The following SEPTIN2 variants were observed in gnomAD, a reference collection of about 807,000 sequenced individuals.
SEPTIN2 encodes septin-2.
Under a neutral mutation model 46.5 loss-of-function variants are expected in SEPTIN2, and 34 were observed. The observed-to-expected ratio is 0.73, with a 90% CI of 0.56 to 0.97. The LOEUF (loss-of-function observed/expected upper bound fraction) is 0.97, where lower values mean the gene tolerates loss of function less well. SEPTIN2 is among the 50% of genes least tolerant of loss of function. SEPTIN2 has a pLI of 0.00. For missense variants in SEPTIN2, 347 were observed against 448.4 expected (o/e 0.77, Z 2.04); for synonymous variants, 175 against 153.4 (o/e 1.14, Z -1.04).
intron 2 of SEPTIN2, chr2:241,325,317 C>T (rs2077776144): frequency 6.6e-6 from 1 of 152,064 alleles, no homozygotes; most frequent in African/African-American, 2.4e-5. Flanking sequence ...ATATCTCTGT[C>T]CTCTCTCTCA....
At chr2:241,330,975 G>GC (rs1377678881) in intron 3 of SEPTIN2, among the ~76,000 whole-genome samples, 2 of 152,114 alleles carry the variant, frequency 1.3e-5, no homozygotes, top group Non-Finnish European at 2.9e-5. Context: ...TTTAAGACCA[G>GC]CCCCCCCAAC....
At chr2:241,330,539 A>C (rs2078827352) in intron 3 of SEPTIN2, among the ~76,000 whole-genome samples, 1 of 152,176 alleles carries the variant, frequency 6.6e-6, no homozygotes, top group Non-Finnish European at 1.5e-5. Context: ...AAGATAGCTG[A>C]TAGATATTTA....
In SEPTIN2 at chr2:241,348,070, T is replaced by C. The variant is rs1484777120; in HGVS notation, c.927-64T>C. The C allele has an allele frequency of 5.4e-6, 7 of 1,292,940 alleles. No homozygotes were observed. In the Admixed American group the frequency reaches 1.4e-4, roughly 26 times the overall value. 80.1% of individuals were successfully genotyped at this position (1,292,940 alleles called of 1,614,324 possible). A position where few individuals can be genotyped will look rare whatever the true frequency, so the allele number is the denominator to read the frequency against. The stretch of plus-strand genomic sequence containing the variant: ...CATTTTAAATTTTAAAGTAGAATTT[T>C]TTGGGGGGGTAGCAAATAACTATTT... On this transcript the variant is annotated intron_variant, in intron 10 of 12. Coordinates refer to ENST00000391971, the MANE Select transcript of SEPTIN2 (RefSeq NM_004404.5).
chr2:241,327,353 G>T (rs1182070515), intron 3 of SEPTIN2, among the ~76,000 whole-genome samples: 2 of 151,620 alleles, frequency 1.3e-5, no homozygotes, highest in Non-Finnish European at 2.9e-5. Context: ...TGATAAGCCT[G>T]ACAGCACATT....
At chr2:241,342,534 ATTTTT>A (rs548033372) in intron 7 of SEPTIN2, among the ~76,000 whole-genome samples, 16 of 87,008 alleles carry the variant, frequency 1.8e-4, no homozygotes, top group African/African-American at 3.9e-4. Flanking sequence ...AGTTTTGTAA[ATTTTT>A]TTTTTTTTTT....
intron 3 of SEPTIN2, among the ~76,000 whole-genome samples, chr2:241,331,240 T>G (rs2078959120): frequency 6.6e-6 from 1 of 152,198 alleles, no homozygotes; most frequent in African/African-American, 2.4e-5. Context: ...CAGTACCACT[T>G]AACAGTCACA....
chr2:241,322,969 G>T (rs1235897582), intron 1 of SEPTIN2, among the ~76,000 whole-genome samples: 1 of 151,812 alleles, frequency 6.6e-6, no homozygotes, highest in African/African-American at 2.4e-5. Context: ...GAATATTATT[G>T]AAAATATGGA....
chr2:241,343,435 G>A (rs938131259), intron 8 of SEPTIN2, among the ~76,000 whole-genome samples: 6 of 151,960 alleles, frequency 3.9e-5, no homozygotes, highest in African/African-American at 1.4e-4. Flanking sequence ...GGAGGCAGAG[G>A]TTGCAGTGAG....
At chr2:241,344,973 G>A (rs2081807434) in intron 9 of SEPTIN2, among the ~76,000 whole-genome samples, 1 of 151,820 alleles carries the variant, frequency 6.6e-6, no homozygotes, top group Non-Finnish European at 1.5e-5. Context: ...AATTAGCCGA[G>A]TGTGGTGGTG....
At chr2:241,332,862 C>A (rs2079225872) in intron 3 of SEPTIN2, among the ~76,000 whole-genome samples, 1 of 152,200 alleles carries the variant, frequency 6.6e-6, no homozygotes, top group Non-Finnish European at 1.5e-5. Context: ...AGCAGCCAGA[C>A]ACAAAACAGG....
At chr2:241,342,447 A>T (rs1382713568) in intron 7 of SEPTIN2, among the ~76,000 whole-genome samples, 1 of 149,220 alleles carries the variant, frequency 6.7e-6, no homozygotes, top group Admixed American at 6.7e-5. Context: ...CATTGAGGGT[A>T]GTGGTGCATT....
chr2:241,338,718 A>ATTAT (rs1158056827), intron 7 of SEPTIN2, among the ~76,000 whole-genome samples: 2 of 70,672 alleles, frequency 2.8e-5, no homozygotes, highest in Non-Finnish European at 5.8e-5. Flanking sequence ...TTATTTATAT[A>ATTAT]ATATATTATA....
At chr2:241,324,533 A>G (rs1463660030) in intron 2 of SEPTIN2, 9 of 437,614 alleles carry the variant, frequency 2.1e-5, no homozygotes, top group Middle Eastern at 6.9e-4. Context: ...GACTGCAGAC[A>G]CGTGCCACCA....
At chr2:241,326,322 A>G (rs1227184316) in intron 3 of SEPTIN2, among the ~76,000 whole-genome samples, 1 of 152,216 alleles carries the variant, frequency 6.6e-6, no homozygotes, top group Admixed American at 6.5e-5. Flanking sequence ...ATATGTAGTG[A>G]AAGTTTACTC....
In SEPTIN2 at chr2:241,335,356, G is replaced by A. The variant is rs10195565; in HGVS notation, c.217+144G>A. 5,233 of 1,552,580 alleles carry A rather than the reference G, an allele frequency of 3.4e-3. 153 individuals are homozygous for A. The African/African-American group carries it at 0.064, about 19-fold the overall frequency. ...CAAGGAAAACACTTTTATGGGGTAG[G>A]TGTGCTGCACCGAGGTCCTTGGATT... On this transcript the variant is annotated intron_variant, in intron 4 of 12. Coordinates refer to ENST00000391971, the MANE Select transcript of SEPTIN2 (RefSeq NM_004404.5).
At chr2:241,349,383 A>AAT (rs1553699036) in intron 11 of SEPTIN2, among the ~76,000 whole-genome samples, 143 of 148,666 alleles carry the variant, frequency 9.6e-4, no homozygotes, top group East Asian at 7.3e-3. Flanking sequence ...AAAAAAAAAA[A>AAT]ATATATATAT....
intron 3 of SEPTIN2, 24 bp downstream of exon 3, chr2:241,326,137 C>T (rs2077924891): frequency 6.3e-7 from 1 of 1,594,940 alleles, no homozygotes. Context: ...CTATAGTCTC[C>T]AACTTACTAA....
chr2:241,344,572 C>T (rs939152899), intron 9 of SEPTIN2, among the ~76,000 whole-genome samples: 3 of 151,854 alleles, frequency 2.0e-5, no homozygotes, highest in African/African-American at 4.8e-5. Context: ...CGTGGTGGTG[C>T]GCACCTGTAA....
At chr2:241,343,666 T>G in intron 8 of SEPTIN2, 86 bp from the exon 9 acceptor site, 1 of 1,489,178 alleles carries the variant, frequency 6.7e-7, no homozygotes, top group Non-Finnish European at 9.2e-7. Flanking sequence ...CAGCAATGTG[T>G]TAAGTCTGTG....
Sources: gnomAD v4.1 joint callset for allele counts (sites outside exome capture counted in the v4.1 genomes callset) on GRCh38, gnomAD v4.1.1 for gene constraint, MANE v1.5 for transcripts, NCBI Gene and HGNC (gene_info 2026-07-23, HGNC 2026-07-21) for gene names.